Variants in TAF4B observed in about 807,000 individuals in gnomAD.
TAF4B encodes transcription initiation factor TFIID subunit 4B.
TAF4B carries 38 observed loss-of-function variants against 86.4 expected under a neutral mutation model. That is an observed-to-expected ratio of 0.44 (90% confidence interval 0.34 to 0.58). The LOEUF is 0.58. Among genes scored for constraint, TAF4B ranks in the 20% least tolerant of loss-of-function variants. The pLI is 0.02. For synonymous variants in TAF4B, 388 were observed against 391.2 expected (o/e 0.99, Z 0.10); for missense variants, 988 against 1,027.6 (o/e 0.96, Z 0.53).
chr18:26,236,744 C>CT (rs1462212864), intron 1 of TAF4B, among the ~76,000 whole-genome samples: 1 of 152,186 alleles, frequency 6.6e-6, no homozygotes, highest in East Asian at 1.9e-4. Flanking sequence ...TCTTACCTTG[C>CT]TTTTCCTTTT....
intron 13 of TAF4B, among the ~76,000 whole-genome samples, chr18:26,351,715 C>T (rs2057247607): frequency 6.6e-6 from 1 of 151,946 alleles, no homozygotes; most frequent in African/African-American, 2.4e-5. Context: ...ATTAAAGGAT[C>T]ATAAATCTAA....
Position 26,389,945 on chromosome 18 carries a change from T to C in TAF4B, c.2522T>C (p.Ile841Thr). The C allele has an allele frequency of 6.2e-7, 1 of 1,614,172 alleles. No individual in the cohort carries two copies. Among genetic ancestry groups the C allele is most frequent in the Non-Finnish European group, 8.5e-7 (1 of 1,180,012 alleles). ...RITRICLRDL[I>T]FCMEQEREMK... The stretch of plus-strand genomic sequence containing the variant: ...ACGAGAATCTGCCTCAGGGACTTGA[T>C]ATTTTGTATGGAACAGGAACGGGAG... Residue 841 changes from isoleucine (I) to threonine (T), a missense_variant, in exon 15 of 15, where the codon ATA (isoleucine) becomes ACA (threonine). Coordinates refer to ENST00000269142, the MANE Select transcript of TAF4B (RefSeq NM_005640.3).
chr18:26,309,054 C>A (rs940625399), intron 9 of TAF4B, among the ~76,000 whole-genome samples: 7 of 151,860 alleles, frequency 4.6e-5, no homozygotes, highest in African/African-American at 1.7e-4. Context: ...TGGAGCTGAT[C>A]TAATCTAGAA....
chr18:26,355,886 ATATTT>A (rs1450802197), intron 13 of TAF4B, among the ~76,000 whole-genome samples: 1 of 152,244 alleles, frequency 6.6e-6, no homozygotes, highest in African/African-American at 2.4e-5. Context: ...GCAACAAGAG[ATATTT>A]TATAACTTCT....
chr18:26,308,542 A>G (rs1255078066), intron 9 of TAF4B, among the ~76,000 whole-genome samples: 1 of 152,152 alleles, frequency 6.6e-6, no homozygotes, highest in Non-Finnish European at 1.5e-5. Context: ...GACAGTTATA[A>G]TGCTGTGGTG....
Position 26,286,061 on chromosome 18 carries a change from A to G in TAF4B, c.1152A>G (p.Gly384=). Residue 384 remains glycine, a synonymous_variant, in exon 7 of 15, where the codon GGA becomes GGG. Transcript: ENST00000269142. ...SQSEKSIIVS[G]ATAPRTVSVQ... ...CTGAAAAGTCAATTATTGTTTCTGG[A>G]GCAACAGCACCCAGAACTGTGTCAG... The G allele has an allele frequency of 6.2e-7, 1 of 1,614,210 alleles. No individual in the cohort carries two copies. Among genetic ancestry groups the G allele is most frequent in the Non-Finnish European group, 8.5e-7 (1 of 1,180,028 alleles).
chr18:26,357,954 G>C (rs764379568), intron 14 of TAF4B, among the ~76,000 whole-genome samples, 160 bp downstream of exon 14: 1 of 152,080 alleles, frequency 6.6e-6, no homozygotes, highest in African/African-American at 2.4e-5. Flanking sequence ...ATTTTTGCCA[G>C]GTTTTAAAGA....
chr18:26,354,219 C>A (rs574042126), intron 13 of TAF4B, among the ~76,000 whole-genome samples: 136 of 152,274 alleles, frequency 8.9e-4, no homozygotes, highest in South Asian at 2.3e-3. Flanking sequence ...GGATTACAGG[C>A]GTCCCCACCA....
intron 14 of TAF4B, among the ~76,000 whole-genome samples, chr18:26,386,539 C>A (rs1978377157): frequency 6.6e-6 from 1 of 151,800 alleles, no homozygotes; most frequent in Non-Finnish European, 1.5e-5. Flanking sequence ...GAAACATCAC[C>A]AGAACTCCAG....
intron 9 of TAF4B, among the ~76,000 whole-genome samples, chr18:26,299,922 T>A (rs970617610): frequency 1.3e-5 from 2 of 152,170 alleles, no homozygotes; most frequent in African/African-American, 4.8e-5. Context: ...GGCATGAAAT[T>A]AATTTTATTT....
intron 1 of TAF4B, among the ~76,000 whole-genome samples, chr18:26,234,283 A>G (rs62087819): frequency 0.011 from 1,704 of 151,916 alleles, 19 homozygotes; most frequent in Non-Finnish European, 0.019. Context: ...TTTCTCCTTC[A>G]CCTTTTTGAT....
intron 13 of TAF4B, 48 bp downstream of exon 13, chr18:26,335,279 T>A: frequency 6.5e-7 from 1 of 1,535,796 alleles, no homozygotes; most frequent in Non-Finnish European, 9.0e-7. Flanking sequence ...GAGGGAAGGT[T>A]GGCAGCTCTC....
At chr18:26,335,646 T>C (rs1319653544) in intron 13 of TAF4B, among the ~76,000 whole-genome samples, 1 of 152,214 alleles carries the variant, frequency 6.6e-6, no homozygotes, top group African/African-American at 2.4e-5. Context: ...TAGTTTTAAA[T>C]GGAAAATGCC....
intron 13 of TAF4B, among the ~76,000 whole-genome samples, chr18:26,342,871 G>A (rs1003300458): frequency 6.6e-6 from 1 of 152,206 alleles, no homozygotes; most frequent in African/African-American, 2.4e-5. Flanking sequence ...TGTTGCTGGT[G>A]TTGGTGAGCA....
At chr18:26,273,944 C>T (rs761436110) in intron 3 of TAF4B, among the ~76,000 whole-genome samples, 1 of 152,124 alleles carries the variant, frequency 6.6e-6, no homozygotes, top group African/African-American at 2.4e-5. Flanking sequence ...TATCCCTGAT[C>T]CCCAAACTTT....
At chr18:26,346,871 ATATGTG>A (rs1250694639) in intron 13 of TAF4B, among the ~76,000 whole-genome samples, 1 of 5,198 alleles carries the variant, frequency 1.9e-4, no homozygotes, top group African/African-American at 3.6e-4. Flanking sequence ...GTATATATAT[ATATGTG>A]TATATATATA....
At chr18:26,261,071 A>C (rs866782273) in intron 1 of TAF4B, among the ~76,000 whole-genome samples, 10 of 152,140 alleles carry the variant, frequency 6.6e-5, no homozygotes, top group Non-Finnish European at 1.5e-4. Context: ...GATTTTTAAA[A>C]AAGGTCTGGC....
At chr18:26,357,617 T>C (rs1036239953) in intron 13 of TAF4B, 73 bp from the exon 14 acceptor site, 1 of 1,001,012 alleles carries the variant, frequency 1.0e-6, no homozygotes, top group Non-Finnish European at 1.5e-6. Flanking sequence ...GAATTAGGCT[T>C]AGTAATCAGT....
At chr18:26,287,567 A>G (rs2056540486) in intron 7 of TAF4B, among the ~76,000 whole-genome samples, 1 of 152,244 alleles carries the variant, frequency 6.6e-6, no homozygotes, top group African/African-American at 2.4e-5. Flanking sequence ...CATGGGAGAT[A>G]CTACATGATG....
Sources: gnomAD v4.1 joint callset for allele counts (sites outside exome capture counted in the v4.1 genomes callset) on GRCh38, gnomAD v4.1.1 for gene constraint, MANE v1.5 for transcripts, NCBI Gene and HGNC (gene_info 2026-07-23, HGNC 2026-07-21) for gene names.